RBPJL: variants seen among roughly 807,000 people sequenced by gnomAD.
RBPJL encodes recombination signal binding protein for immunoglobulin kappa J region like.
Under a neutral mutation model 57.6 loss-of-function variants are expected in RBPJL, and 50 were observed. That is an observed-to-expected ratio of 0.87 (90% CI 0.69 to 1.10). RBPJL has a LOEUF of 1.10. RBPJL is among the 50% of genes least tolerant of loss of function. The probability of loss-of-function intolerance (pLI) is 0.00; values close to 1 mark genes in which losing one functional copy is unlikely to be tolerated. For missense variants in RBPJL, 684 were observed against 693.7 expected (o/e 0.99, Z 0.16); for synonymous variants, 303 against 294.4 (o/e 1.03, Z -0.30).
At chr20:45,312,433 G>T (rs1987231096) in intron 6 of RBPJL, 38 bp downstream of exon 6, 28 of 1,592,518 alleles carry the variant, frequency 1.8e-5, no homozygotes, top group Non-Finnish European at 2.1e-5. Flanking sequence ...CCCGGGCGGG[G>T]AGGTGCAACC....
At chr20:45,307,306 C>A (rs568390407) in intron 1 of RBPJL, among the ~76,000 whole-genome samples, 1 of 152,170 alleles carries the variant, frequency 6.6e-6, no homozygotes, top group African/African-American at 2.4e-5. Flanking sequence ...CTATTCTGAG[C>A]GAGGCCAGTG....
intron 5 of RBPJL, 29 bp from the exon 6 acceptor site, chr20:45,312,192 A>C (rs1987211255): frequency 1.2e-6 from 2 of 1,613,832 alleles, no homozygotes; most frequent in Non-Finnish European, 1.7e-6. Flanking sequence ...GGCTGGGATG[A>C]GATGGCCCTG....
In RBPJL at chr20:45,314,443, C is replaced by A; in HGVS notation, c.898C>A (p.Leu300Ile). The change falls in exon 9 of 12, where the codon CTC becomes ATC. Residue 300 changes from leucine to isoleucine, a missense_variant. By Grantham distance (5) the Leu-to-Ile change is conservative. Coordinates refer to ENST00000343694, the MANE Select transcript of RBPJL (RefSeq NM_014276.4). Reference sequence around the variant, plus strand: ...CCGTAAAGTAGCAAAACAGTGTGCGCTCCTTGATGTGGATGAGCCCATCTC... The same window carrying A: ...CCGTAAAGTAGCAAAACAGTGTGCGATCCTTGATGTGGATGAGCCCATCTC... ...IIRKVAKQCA[L>I]LDVDEPISQL... The A allele has an allele frequency of 1.2e-6, 2 of 1,614,138 alleles. No homozygotes were observed. Among genetic ancestry groups the A allele is most frequent in the African/African-American group, 2.7e-5 (2 of 75,066 alleles).
At chr20:45,314,649 C>A in intron 9 of RBPJL, 84 bp downstream of exon 9, 2 of 1,367,580 alleles carry the variant, frequency 1.5e-6, no homozygotes, top group South Asian at 1.3e-5. Context: ...TCACCCTCAC[C>A]ATGGTTGCTA....
chr20:45,316,643 C>G lies in RBPJL; in HGVS notation c.1281-43C>G, dbSNP rs547484997. The G allele has an allele frequency of 2.0e-6, 3 of 1,531,386 alleles. No individual in the cohort carries two copies. In the South Asian group the frequency reaches 3.7e-5, roughly 19 times the overall value. The allele number at this position is 1,531,386 out of a possible 1,614,324, so 94.9% of individuals were successfully genotyped here. A position where few individuals can be genotyped will look rare whatever the true frequency, so the allele number is the denominator to read the frequency against. On this transcript the variant is annotated intron_variant, in intron 11 of 11. Coordinates refer to ENST00000343694, the MANE Select transcript of RBPJL (RefSeq NM_014276.4). ...GAGCAGGGGAAGGGGGTGCACGCGT[C>G]GTCGGAGTCGCCGCAGCCCTCACCC... is the stretch of plus-strand genomic sequence containing the variant.
chr20:45,306,891 C>A lies in RBPJL; in HGVS notation c.-32C>A. ...AGCACTGGACTCGTCCAGAGGGCGG[C>A]GGGTGAGCGGCTGGGGCCCCGTGGA... On this transcript the variant is annotated 5_prime_UTR_variant, in exon 1 of 12. Coordinates refer to ENST00000343694, the MANE Select transcript of RBPJL (RefSeq NM_014276.4). 1 of 1,256,004 alleles carries A rather than the reference C, an allele frequency of 8.0e-7. No individual in the cohort carries two copies. Among genetic ancestry groups the A allele is most frequent in the Non-Finnish European group, 1.0e-6 (1 of 992,624 alleles). The allele number at this position is 1,256,004 out of a possible 1,614,324, so 77.8% of individuals were successfully genotyped here.
At chr20:45,314,200 T>C in intron 8 of RBPJL, 56 bp downstream of exon 8, 3 of 1,482,040 alleles carry the variant, frequency 2.0e-6, no homozygotes, top group Non-Finnish European at 2.8e-6. Context: ...GCAGAGAATG[T>C]GGCACACACG....
chr20:45,313,273 C>G (rs989347356), intron 6 of RBPJL, among the ~76,000 whole-genome samples, 195 bp from the exon 7 acceptor site: 1 of 151,602 alleles, frequency 6.6e-6, no homozygotes, highest in Admixed American at 6.6e-5. Context: ...TCACCCTGAC[C>G]CCCTCCCTCA....
In RBPJL at chr20:45,312,019, C is replaced by A. The variant is rs1987201040; in HGVS notation, c.444+65C>A. ...CCCTGCCTCTCCTGGGAAAGGAGGG[C>A]TCCTTTACTCCCCTCCGAAAGCCAA... On this transcript the variant is annotated intron_variant, in intron 5 of 11. Transcript: ENST00000343694. 7 of 1,441,212 alleles carry A rather than the reference C, an allele frequency of 4.9e-6. No homozygotes were observed. In the Admixed American group the frequency reaches 7.6e-5, roughly 16 times the overall value. The allele number at this position is 1,441,212 out of a possible 1,614,324, so 89.3% of individuals were successfully genotyped here.
intron 8 of RBPJL, 41 bp downstream of exon 8, chr20:45,314,185 T>A (rs778791718): frequency 6.5e-7 from 1 of 1,540,026 alleles, no homozygotes; most frequent in Non-Finnish European, 9.0e-7. Context: ...TCCCCTCAGA[T>A]CCATGCAGAG....
rs369083610 is a variant in RBPJL, at chr20:45,309,643, C to A, written c.208C>A (p.Arg70=). 2 of 1,613,472 alleles carry A rather than the reference C, an allele frequency of 1.2e-6. No individual in the cohort carries two copies. The highest frequency in any genetic ancestry group is 1.7e-6 in the Non-Finnish European group (2 of 1,179,716). The change falls in exon 3 of 12, where the codon CGG becomes AGG. Residue 70 remains arginine, a synonymous_variant. Coordinates refer to ENST00000343694, the MANE Select transcript of RBPJL (RefSeq NM_014276.4). Reference sequence around the variant, plus strand: ...GCAGCAACAGTGTGAACAGACTGTGCGGATCCTGCATGCCAAGGTGGCCCA... The same window carrying A: ...GCAGCAACAGTGTGAACAGACTGTGAGGATCCTGCATGCCAAGGTGGCCCA... ...CLQQQCEQTV[R]ILHAKVAQKS...
At chr20:45,313,829 A>G (rs1466785720) in intron 7 of RBPJL, among the ~76,000 whole-genome samples, 1 of 152,010 alleles carries the variant, frequency 6.6e-6, no homozygotes, top group African/African-American at 2.4e-5. Flanking sequence ...CCTGCCCCCA[A>G]CCCCTGCCCC....
chr20:45,311,444 T>G, intron 3 of RBPJL, 145 bp from the exon 4 acceptor site: 1 of 685,286 alleles, frequency 1.5e-6, no homozygotes, highest in Middle Eastern at 2.5e-4. Context: ...TGGCTATGAA[T>G]GGGGTTTACA....
chr20:45,315,948 A>G, intron 9 of RBPJL: 1 of 396,618 alleles, frequency 2.5e-6, no homozygotes, highest in Non-Finnish European at 4.4e-6. Context: ...GGAAGGAAGG[A>G]AAATAAAGAA....
rs1229165548 is a variant in RBPJL, at chr20:45,311,853, G to A, written c.343G>A (p.Glu115Lys). ...TCCCTTTCCAGCTCACCAGGCGGGG[G>A]AAACGGGGCCCACGGTCTGCGGTTA... is the stretch of plus-strand genomic sequence containing the variant. ...PGQDQAHQAG[E>K]TGPTVCGYMG... The change falls in exon 5 of 12, where the codon GAA becomes AAA. Residue 115 changes from glutamate to lysine, a missense_variant. Physicochemically the swap from Glu to Lys is moderately conservative, Grantham distance 56. Coordinates refer to ENST00000343694, the MANE Select transcript of RBPJL (RefSeq NM_014276.4). The A allele has an allele frequency of 1.4e-5, 21 of 1,551,698 alleles. No individual in the cohort carries two copies. The highest frequency in any genetic ancestry group is 1.7e-4 in the Middle Eastern group (1 of 6,012).
rs867745972 is a variant in RBPJL, at chr20:45,306,900, G to A, written c.-23G>A. On this transcript the variant is annotated 5_prime_UTR_variant, in exon 1 of 12. Coordinates refer to ENST00000343694, the MANE Select transcript of RBPJL (RefSeq NM_014276.4). ...CTCGTCCAGAGGGCGGCGGGTGAGCGGCTGGGGCCCCGTGGAGCCACCATG... is the reference window on the plus strand; with the variant it reads ...CTCGTCCAGAGGGCGGCGGGTGAGCAGCTGGGGCCCCGTGGAGCCACCATG... The A allele has an allele frequency of 3.2e-6, 4 of 1,256,752 alleles. No individual in the cohort carries two copies. Among genetic ancestry groups the A allele is most frequent in the Admixed American group, 4.2e-5 (1 of 23,864 alleles). The allele number at this position is 1,256,752 out of a possible 1,614,324, so 77.9% of individuals were successfully genotyped here.
At chr20:45,315,997 T>C in intron 9 of RBPJL, 190 bp from the exon 10 acceptor site, 1 of 415,268 alleles carries the variant, frequency 2.4e-6, no homozygotes. Flanking sequence ...ATCAGCTAGC[T>C]CAACAAGCTT....
intron 6 of RBPJL, 71 bp from the exon 7 acceptor site, chr20:45,313,397 A>C (rs904117938): frequency 3.7e-6 from 5 of 1,333,742 alleles, no homozygotes; most frequent in Non-Finnish European, 5.1e-6. Flanking sequence ...CCCAATCCTA[A>C]CCCTAACCCT....
intron 8 of RBPJL, 60 bp downstream of exon 8, chr20:45,314,204 A>G (rs1246845229): frequency 4.1e-6 from 6 of 1,465,516 alleles, no homozygotes; most frequent in Non-Finnish European, 5.7e-6. Context: ...AGAATGTGGC[A>G]CACACGGGCA....
Sources: gnomAD v4.1 joint callset for allele counts (sites outside exome capture counted in the v4.1 genomes callset) on GRCh38, gnomAD v4.1.1 for gene constraint, MANE v1.5 for transcripts, NCBI Gene and HGNC (gene_info 2026-07-23, HGNC 2026-07-21) for gene names.